Variants in HECW2 observed in about 807,000 individuals in gnomAD.
The protein encoded by HECW2 is HECT, C2 and WW domain containing E3 ubiquitin protein ligase 2, also known as E3 ubiquitin-protein ligase HECW2.
In HECW2, 61 loss-of-function variants were observed where a neutral mutation model predicts 175.2. The ratio of observed to expected loss-of-function variants is 0.35; its 90% CI spans 0.28 to 0.43. The LOEUF (loss-of-function observed/expected upper bound fraction) is 0.43, where lower values mean the gene tolerates loss of function less well. HECW2 is among the 20% of genes least tolerant of loss of function. The pLI, the probability that HECW2 is intolerant of heterozygous loss-of-function variation, is 1.00. For synonymous variants in HECW2, 671 were observed against 731.0 expected, an observed-to-expected ratio of 0.92 and a Z score of 1.32; for missense variants, 1,524 against 2,000.5, an observed-to-expected ratio of 0.76 and a Z score of 4.54.
At chr2:196,291,972 G>T (rs186320404) in intron 14 of HECW2, 1 of 152,272 alleles carries the variant, frequency 6.6e-6, no homozygotes, top group African/African-American at 2.4e-5. Flanking sequence ...CAGGCTTTCT[G>T]GTTCATCCAC....
chr2:196,348,128 T>A (rs1018136239), intron 2 of HECW2, among the ~76,000 whole-genome samples: 1 of 152,248 alleles, frequency 6.6e-6, no homozygotes, highest in Non-Finnish European at 1.5e-5. Flanking sequence ...AGATTAAATT[T>A]TTTGTTCACA....
chr2:196,306,610 A>C lies in HECW2; in HGVS notation c.2692T>G (p.Phe898Val). ...EADFHQASAD[F>V]RRENILPHST... ...TGAGGCAGGATGTTCTCCCGTCGGA[A>C]ATCTAGATGGGGCAGACCACAGAGG... is the stretch of plus-strand genomic sequence containing the variant. The change falls in exon 13 of 29, where the codon TTC (phenylalanine) becomes GTC (valine). Residue 898 changes from phenylalanine to valine, a missense_variant and splice_region_variant. Physicochemically the swap from Phe to Val is conservative, Grantham distance 50. Around this residue, in one of 11 missense-constraint regions of HECW2, gnomAD observed 105 missense variants for 98.1 expected, o/e 1.07. Coordinates refer to ENST00000644978, the MANE Select transcript of HECW2 (RefSeq NM_001348768.2). 6.2e-7 allele frequency: 1 copy of C among 1,611,562 alleles called. No individual in the cohort carries two copies. The highest frequency in any genetic ancestry group is 8.5e-7 in the Non-Finnish European group (1 of 1,178,796).
At chr2:196,511,308 T>A (rs1300067311) in intron 1 of HECW2, among the ~76,000 whole-genome samples, 2 of 152,258 alleles carry the variant, frequency 1.3e-5, no homozygotes, top group Non-Finnish European at 2.9e-5. Flanking sequence ...TTAAATGATG[T>A]TATCAAAACA....
chr2:196,213,729 T>C (rs6434831), intron 28 of HECW2, among the ~76,000 whole-genome samples: 62,206 of 152,034 alleles, frequency 0.41, 14,010 homozygotes, highest in African/African-American at 0.61. Context: ...TAATGAAGAA[T>C]ACCACCATTT....
chr2:196,228,044 A>G (rs1303232941), intron 22 of HECW2, 58 bp downstream of exon 22: 1 of 1,430,850 alleles, frequency 7.0e-7, no homozygotes. Context: ...GGGTTCTATA[A>G]AAAAACTAAT....
intron 18 of HECW2, among the ~76,000 whole-genome samples, chr2:196,254,609 C>A (rs985089633): frequency 3.9e-5 from 6 of 152,192 alleles, no homozygotes; most frequent in African/African-American, 1.4e-4. Flanking sequence ...CTTCTCCATA[C>A]TGAAATGTCT....
At chr2:196,400,353 G>A (rs1694784780) in intron 2 of HECW2, among the ~76,000 whole-genome samples, 1 of 152,132 alleles carries the variant, frequency 6.6e-6, no homozygotes, top group Admixed American at 6.5e-5. Context: ...TGGCGGGGAA[G>A]GAGAGTAGAG....
intron 1 of HECW2, among the ~76,000 whole-genome samples, chr2:196,519,665 C>T (rs1688279307): frequency 6.6e-6 from 1 of 152,140 alleles, no homozygotes; most frequent in Admixed American, 6.6e-5. Context: ...GATTCATGGA[C>T]TGCAAATATT....
At chr2:196,340,302 A>T (rs1692700580) in intron 3 of HECW2, among the ~76,000 whole-genome samples, 1 of 152,204 alleles carries the variant, frequency 6.6e-6, no homozygotes, top group Non-Finnish European at 1.5e-5. Context: ...AATGGGTTTT[A>T]AAAATGACAT....
At chr2:196,505,679 A>T (rs1687735995) in intron 1 of HECW2, among the ~76,000 whole-genome samples, 1 of 152,254 alleles carries the variant, frequency 6.6e-6, no homozygotes, top group South Asian at 2.1e-4. Flanking sequence ...GTAAAACCAG[A>T]ATTTTCTTTA....
At chr2:196,301,389 A>T (rs1691046336) in intron 13 of HECW2, among the ~76,000 whole-genome samples, 1 of 152,166 alleles carries the variant, frequency 6.6e-6, no homozygotes, top group African/African-American at 2.4e-5. Context: ...TTAGTTATAT[A>T]ACCAGTGATG....
rs1575564708 is a variant in HECW2, at chr2:196,458,564, G to A, written c.-35-25106C>T. On this transcript the variant is annotated intron_variant, in intron 1 of 28. Coordinates refer to ENST00000644978, the MANE Select transcript of HECW2 (RefSeq NM_001348768.2). ...CTCCAGATGGAAAACTGTGAAACCA[G>A]ATGATAAAGATGACAAGTGTAGGCT... Among the ~76,000 whole-genome samples the A allele has an allele frequency of 2.0e-5, 3 of 152,074 alleles. No individual in the cohort carries two copies. The South Asian group carries it at 6.2e-4, about 32-fold the overall frequency.
intron 19 of HECW2, among the ~76,000 whole-genome samples, chr2:196,246,852 T>A (rs2105896692): frequency 6.6e-6 from 1 of 152,336 alleles, no homozygotes; most frequent in South Asian, 2.1e-4. Context: ...CTGTTTATAC[T>A]CTAGGTAAAG....
intron 19 of HECW2, among the ~76,000 whole-genome samples, chr2:196,247,996 C>G (rs1196444129): frequency 6.6e-6 from 1 of 152,220 alleles, no homozygotes; most frequent in Non-Finnish European, 1.5e-5. Flanking sequence ...AACAAAACAT[C>G]AAGCACTACA....
chr2:196,497,097 T>C (rs144645194), intron 1 of HECW2, among the ~76,000 whole-genome samples: 3 of 152,234 alleles, frequency 2.0e-5, no homozygotes, highest in Non-Finnish European at 4.4e-5. Context: ...GAAAGGTGAA[T>C]ACAACATTAA....
At chr2:196,412,851 C>T (rs897644488) in intron 2 of HECW2, among the ~76,000 whole-genome samples, 1 of 152,180 alleles carries the variant, frequency 6.6e-6, no homozygotes, top group Non-Finnish European at 1.5e-5. Flanking sequence ...CATATGAAAT[C>T]CTTTTACCCC....
In HECW2 at chr2:196,490,269, G is replaced by C. The variant is rs1309805492; in HGVS notation, c.-35-56811C>G. On this transcript the variant is annotated intron_variant, in intron 1 of 28. Transcript: ENST00000644978. ...CAAAACAACAACAAATTAAAAGAGG[G>C]GTTATTCAAAGGTTGTCCCTCTTTC... Among the ~76,000 whole-genome samples the C allele has an allele frequency of 2.0e-5, 3 of 151,552 alleles. No individual in the cohort carries two copies. The East Asian group carries it at 5.8e-4, about 29-fold the overall frequency.
chr2:196,469,126 T>C (rs765226919), intron 1 of HECW2, among the ~76,000 whole-genome samples: 59 of 100,836 alleles, frequency 5.9e-4, no homozygotes, highest in African/African-American at 2.4e-3. Flanking sequence ...TGTGCGTGTG[T>C]GTGTGTGTGT....
chr2:196,413,431 C>T (rs1419046303), intron 2 of HECW2, among the ~76,000 whole-genome samples: 4 of 152,026 alleles, frequency 2.6e-5, no homozygotes, highest in East Asian at 1.9e-4. Flanking sequence ...CTGCAACCTC[C>T]GCCTCCCAGG....
Sources: allele counts gnomAD v4.1 joint callset (sites outside exome capture counted in the v4.1 genomes callset), GRCh38; gene constraint gnomAD v4.1.1; regional missense constraint gnomAD v4.1.1; transcripts MANE v1.5; gene names NCBI Gene and HGNC (gene_info 2026-07-23, HGNC 2026-07-21).